DIP2C: variants seen among roughly 807,000 people sequenced by gnomAD.
The protein encoded by DIP2C is DIP2 acetate--CoA ligase C (putative).
A neutral mutation model predicts 192.4 loss-of-function variants in DIP2C; 33 were observed. That is an observed-to-expected ratio of 0.17 (90% CI 0.13 to 0.23). The LOEUF (loss-of-function observed/expected upper bound fraction) is 0.23. Among genes scored for constraint, DIP2C ranks in the 10% least tolerant of loss-of-function variants. DIP2C has a pLI of 1.00. For missense variants in DIP2C, 1,537 were observed against 2,110.1 expected (o/e 0.73, Z 5.32); for synonymous variants, 979 against 864.1 (o/e 1.13, Z -2.33).
intron 1 of DIP2C, among the ~76,000 whole-genome samples, chr10:490,209 T>G (rs560874645): frequency 6.6e-6 from 1 of 150,424 alleles, no homozygotes; most frequent in Admixed American, 6.6e-5. Context: ...TGACGGTGCC[T>G]GGGGCTTCCT....
In DIP2C at chr10:430,874, C is replaced by G. The variant is rs530709830; in HGVS notation, c.395-7841G>C. ...CTAATGAGGACAGTGGCTCTGTGAT[C>G]TGTTTAATTTTTTTGAAAGATGTAA... On this transcript the variant is annotated intron_variant, in intron 4 of 36. Coordinates refer to ENST00000280886, the MANE Select transcript of DIP2C (RefSeq NM_014974.3). Among the ~76,000 whole-genome samples, 6 of 152,286 alleles carry G rather than the reference C, an allele frequency of 3.9e-5. No homozygotes were observed. The East Asian group carries it at 1.2e-3, about 29-fold the overall frequency.
Position 576,431 on chromosome 10 carries a change from A to G in DIP2C, c.86-89901T>C, listed in dbSNP as rs572030984. 2.0e-5 allele frequency among the ~76,000 whole-genome samples: 3 copies of G among 152,328 alleles called. No individual in the cohort carries two copies. In the East Asian group the frequency reaches 5.8e-4, roughly 29 times the overall value. ...CCATGGGACAGCAGTAACTGCCCAC[A>G]AGTCCCGTATCTAAGCCCTGACTTG... On this transcript the variant is annotated intron_variant, in intron 1 of 36. Transcript: ENST00000280886.
At chr10:386,878 C>T (rs537817743) in intron 14 of DIP2C, among the ~76,000 whole-genome samples, 4 of 152,278 alleles carry the variant, frequency 2.6e-5, no homozygotes, top group East Asian at 3.9e-4. Context: ...TCATGCTCCA[C>T]GTAGCTTTTA....
At chr10:579,062 CAT>C (rs1461135157) in intron 1 of DIP2C, among the ~76,000 whole-genome samples, 4 of 152,048 alleles carry the variant, frequency 2.6e-5, no homozygotes, top group Admixed American at 6.5e-5. Context: ...AAGTGCACAA[CAT>C]GTGTATGTGC....
Position 577,968 on chromosome 10 carries a change from C to G in DIP2C, c.86-91438G>C, listed in dbSNP as rs530735934. 7.3e-4 allele frequency among the ~76,000 whole-genome samples: 111 copies of G among 152,238 alleles called. 1 individual carries two copies. Among genetic ancestry groups the G allele is most frequent in the African/African-American group, 2.5e-3 (104 of 41,538 alleles). On this transcript the variant is annotated intron_variant, in intron 1 of 36. Transcript: ENST00000280886. ...GTTCTGAAAAATCAGATTATTCTTG[C>G]AATCCTCCATCAAGGGTGAAATTCC...
At chr10:449,141 T>C (rs1344529040) in intron 3 of DIP2C, among the ~76,000 whole-genome samples, 1 of 126,970 alleles carries the variant, frequency 7.9e-6, no homozygotes, top group Non-Finnish European at 1.7e-5. Context: ...CAGGATCATA[T>C]ACACTGGGGC....
At chr10:427,251 A>T (rs746734784) in intron 4 of DIP2C, among the ~76,000 whole-genome samples, 2 of 152,192 alleles carry the variant, frequency 1.3e-5, no homozygotes, top group Non-Finnish European at 2.9e-5. Context: ...CCTCATCTTT[A>T]AAGTCCATCA....
chr10:279,039 C>T (rs551648556), intron 36 of DIP2C, among the ~76,000 whole-genome samples: 4 of 152,190 alleles, frequency 2.6e-5, no homozygotes, highest in East Asian at 1.9e-4. Context: ...AGGAAAAAAA[C>T]GCATATTTTA....
intron 1 of DIP2C, among the ~76,000 whole-genome samples, chr10:523,579 G>A (rs1236121265): frequency 2.0e-5 from 3 of 146,754 alleles, no homozygotes; most frequent in African/African-American, 7.5e-5. Flanking sequence ...CCACACGCTC[G>A]TTTCCACATG....
chr10:360,505 T>C (rs761280898), intron 22 of DIP2C, among the ~76,000 whole-genome samples: 4 of 152,196 alleles, frequency 2.6e-5, no homozygotes, highest in African/African-American at 7.2e-5. Flanking sequence ...CATGCAATGC[T>C]TGGCGAATTC....
chr10:454,727 A>G (rs778848262), intron 3 of DIP2C, among the ~76,000 whole-genome samples: 20 of 152,074 alleles, frequency 1.3e-4, no homozygotes, highest in Admixed American at 2.0e-4. Context: ...CCCCTCAGAG[A>G]AAGAGGTAGT....
intron 31 of DIP2C, among the ~76,000 whole-genome samples, chr10:324,062 G>C (rs1023767788): frequency 1.3e-5 from 2 of 152,150 alleles, no homozygotes; most frequent in Non-Finnish European, 2.9e-5. Context: ...ACTGTGCTCT[G>C]CTGAAGCGTT....
chr10:422,953 T>C lies in DIP2C; in HGVS notation c.475A>G (p.Asn159Asp). The C allele has an allele frequency of 1.2e-6, 2 of 1,614,208 alleles. No individual in the cohort carries two copies. The highest frequency in any genetic ancestry group is 1.7e-6 in the Non-Finnish European group (2 of 1,180,026). The change falls in exon 5 of 37, where the codon AAT (asparagine) becomes GAT (aspartate). Residue 159 changes from asparagine (N) to aspartate (D), a missense_variant. Asn to Asp is a conservative substitution (Grantham distance 23, BLOSUM62 1). Coordinates refer to ENST00000280886, the MANE Select transcript of DIP2C (RefSeq NM_014974.3). ...GTPTSSQGSINMEHWISQAIH... is the reference protein window; with the variant it reads ...GTPTSSQGSIDMEHWISQAIH... ...GCCTGGCTGATCCAGTGCTCCATATTGATGCTGCCCTGGCTGGAGGTGGGG... is the reference window on the plus strand; with the variant it reads ...GCCTGGCTGATCCAGTGCTCCATATCGATGCTGCCCTGGCTGGAGGTGGGG...
At chr10:434,761 C>A (rs4619075) in intron 4 of DIP2C, among the ~76,000 whole-genome samples, 148,813 of 152,266 alleles carry the variant, frequency 0.98, 72,811 homozygotes, top group Middle Eastern at 1. Context: ...AGGTTAATGG[C>A]ATTTTTTTCC....
chr10:494,942 A>C (rs1445005647), intron 1 of DIP2C, among the ~76,000 whole-genome samples: 10 of 152,238 alleles, frequency 6.6e-5, no homozygotes, highest in African/African-American at 2.4e-4. Flanking sequence ...GCTCACATCC[A>C]CTGCAGCACT....
chr10:472,643 G>T, intron 2 of DIP2C, 94 bp from the exon 3 acceptor site: 1 of 1,136,286 alleles, frequency 8.8e-7, no homozygotes, highest in Non-Finnish European at 1.3e-6. Context: ...CCACAGCAAA[G>T]CCAGAGCTAC....
intron 1 of DIP2C, among the ~76,000 whole-genome samples, chr10:655,054 G>C (rs1305411794): frequency 6.6e-6 from 1 of 152,140 alleles, no homozygotes; most frequent in East Asian, 1.9e-4. Flanking sequence ...AACTTGCTCA[G>C]GGGGCTTGCC....
intron 1 of DIP2C, among the ~76,000 whole-genome samples, chr10:572,581 C>T (rs940105401): frequency 6.6e-6 from 1 of 152,208 alleles, no homozygotes; most frequent in Non-Finnish European, 1.5e-5. Context: ...TAATGTAATA[C>T]TTGTGAAGAT....
intron 4 of DIP2C, among the ~76,000 whole-genome samples, chr10:425,898 G>A (rs1033368195): frequency 2.0e-5 from 3 of 152,208 alleles, no homozygotes; most frequent in Admixed American, 6.5e-5. Flanking sequence ...GAAAAGCCAT[G>A]GCTAATAGTG....
Sources: allele counts gnomAD v4.1 joint callset (sites outside exome capture counted in the v4.1 genomes callset), GRCh38; gene constraint gnomAD v4.1.1; transcripts MANE v1.5; gene names NCBI Gene and HGNC (gene_info 2026-07-23, HGNC 2026-07-21).